Variants in IPO5 observed in about 807,000 individuals in gnomAD.
IPO5 encodes the protein importin-5.
In IPO5, 18 loss-of-function variants were observed where a neutral mutation model predicts 143.3. The observed-to-expected ratio is 0.13, with a 90% CI of 0.09 to 0.19. The LOEUF is 0.19. Among genes scored for constraint, IPO5 ranks in the 10% least tolerant of loss-of-function variants. The probability of loss-of-function intolerance (pLI) is 1.00; values close to 1 mark genes in which losing one functional copy is unlikely to be tolerated. For missense variants in IPO5, 1,013 were observed against 1,336.9 expected (o/e 0.76, Z 3.78); for synonymous variants, 477 against 465.7 (o/e 1.02, Z -0.31).
At chr13:97,972,969 G>C (rs1246434241) in intron 3 of IPO5, among the ~76,000 whole-genome samples, 1 of 151,250 alleles carries the variant, frequency 6.6e-6, no homozygotes, top group African/African-American at 2.4e-5. Context: ...TGATCTCCTT[G>C]GGAAATAAAT....
intron 2 of IPO5, among the ~76,000 whole-genome samples, chr13:97,954,872 T>C (rs116879557): frequency 0.017 from 2,602 of 152,298 alleles, 34 homozygotes; most frequent in Non-Finnish European, 0.03. Context: ...AGATTTGTGT[T>C]GGAACATTGT....
intron 16 of IPO5, among the ~76,000 whole-genome samples, chr13:98,004,351 A>G (rs764744582): frequency 2.0e-5 from 3 of 152,256 alleles, no homozygotes; most frequent in Non-Finnish European, 4.4e-5. Context: ...CCAAGTGCTC[A>G]GTATCAGATG....
chr13:98,020,424 A>G (rs547885425), intron 27 of IPO5, among the ~76,000 whole-genome samples: 2 of 152,334 alleles, frequency 1.3e-5, no homozygotes, highest in African/African-American at 2.4e-5. Context: ...TCCACTGACC[A>G]TATCATTAAG....
chr13:97,985,623 C>G lies in IPO5; in HGVS notation c.364+10C>G. ...GCCAGGAATTTAATAGGTGTGTATGCAGGTGCACTCATGTTACCAAGAACA... is the reference window on the plus strand; with the variant it reads ...GCCAGGAATTTAATAGGTGTGTATGGAGGTGCACTCATGTTACCAAGAACA... On this transcript the variant is annotated intron_variant, in intron 6 of 28. Coordinates refer to ENST00000651721, the MANE Select transcript of IPO5 (RefSeq NM_002271.6). 1.3e-6 allele frequency: 2 copies of G among 1,593,288 alleles called. No individual in the cohort carries two copies. The highest frequency in any genetic ancestry group is 1.7e-6 in the Non-Finnish European group (2 of 1,163,582).
intron 25 of IPO5, 85 bp from the exon 26 acceptor site, chr13:98,018,400 G>A: frequency 1.0e-6 from 1 of 992,436 alleles, no homozygotes; most frequent in South Asian, 1.6e-5. Context: ...GAATATCAAT[G>A]TAAGCAGATA....
At chr13:97,980,958 T>C (rs1886791387) in intron 4 of IPO5, among the ~76,000 whole-genome samples, 1 of 152,220 alleles carries the variant, frequency 6.6e-6, no homozygotes, top group Admixed American at 6.5e-5. Context: ...TGAGATACTT[T>C]TTAAATGAAA....
intron 7 of IPO5, 150 bp downstream of exon 7, chr13:97,989,314 AT>A (rs201499618): frequency 1.0e-4 from 51 of 500,980 alleles, no homozygotes; most frequent in Non-Finnish European, 1.5e-4. Flanking sequence ...ATTGGAAGCA[AT>A]TTTTTTTAAA....
At chr13:97,982,424 C>T (rs1472232750) in intron 4 of IPO5, 79 bp from the exon 5 acceptor site, 2 of 905,774 alleles carry the variant, frequency 2.2e-6, no homozygotes, top group Non-Finnish European at 3.6e-6. Context: ...TGCATCCTTC[C>T]CACTGTTTAT....
In IPO5 at chr13:97,966,576, T is replaced by G. The variant is rs573818577; in HGVS notation, c.-112-3147T>G. ...CGATATTGGTCTATAGTTTTTTTTGTTTTTGGCAGCAGGGCACAACTGGCC... is the reference window on the plus strand; with the variant it reads ...CGATATTGGTCTATAGTTTTTTTTGGTTTTGGCAGCAGGGCACAACTGGCC... On this transcript the variant is annotated intron_variant, in intron 2 of 28. Transcript: ENST00000651721. Among the ~76,000 whole-genome samples the G allele has an allele frequency of 3.9e-5, 6 of 152,288 alleles. No homozygotes were observed. The East Asian group carries it at 5.8e-4, about 15-fold the overall frequency.
intron 16 of IPO5, among the ~76,000 whole-genome samples, chr13:98,005,810 T>C (rs1889192149): frequency 6.6e-6 from 1 of 151,896 alleles, no homozygotes; most frequent in Admixed American, 6.6e-5. Context: ...GAGGATGAAG[T>C]GTAGGCATTA....
intron 18 of IPO5, 88 bp from the exon 19 acceptor site, chr13:98,009,793 A>G (rs1438511102): frequency 9.8e-7 from 1 of 1,016,704 alleles, no homozygotes; most frequent in African/African-American, 1.6e-5. Flanking sequence ...TCAATAAAAC[A>G]TTGTTTCTAT....
intron 2 of IPO5, among the ~76,000 whole-genome samples, chr13:97,962,717 G>A (rs979957202): frequency 1.3e-5 from 2 of 151,948 alleles, no homozygotes; most frequent in Non-Finnish European, 2.9e-5. Flanking sequence ...TGCTCAGGAG[G>A]CTGAGGCACA....
chr13:97,965,445 G>C (rs979703523), intron 2 of IPO5, among the ~76,000 whole-genome samples: 1 of 151,966 alleles, frequency 6.6e-6, no homozygotes, highest in African/African-American at 2.4e-5. Flanking sequence ...AGGGAGGGAG[G>C]TATCACCATC....
chr13:98,018,091 A>AT (rs1297588854), intron 25 of IPO5, among the ~76,000 whole-genome samples: 1 of 152,220 alleles, frequency 6.6e-6, no homozygotes, highest in Admixed American at 6.5e-5. Flanking sequence ...TTTTTAAAAG[A>AT]TTCGGGCACA....
intron 4 of IPO5, among the ~76,000 whole-genome samples, chr13:97,977,999 A>T (rs566868616): frequency 2.0e-5 from 3 of 152,222 alleles, no homozygotes; most frequent in Non-Finnish European, 4.4e-5. Flanking sequence ...GTTGTTTTGA[A>T]TAGATGGTGG....
chr13:97,987,160 C>A, intron 6 of IPO5: 1 of 167,528 alleles, frequency 6.0e-6, no homozygotes, highest in South Asian at 1.8e-4. Context: ...GGTACAAGTT[C>A]TTCTCCAGGG....
intron 16 of IPO5, among the ~76,000 whole-genome samples, chr13:98,003,641 G>A (rs1291026768): frequency 6.6e-6 from 1 of 152,172 alleles, no homozygotes; most frequent in African/African-American, 2.4e-5. Flanking sequence ...CCTGAGGTCA[G>A]GAGTTCGAGA....
In IPO5 at chr13:98,021,148, T is replaced by C; in HGVS notation, c.3207+15T>C. ...GCCAAGTACAGGTAAGCTGATTTGG[T>C]TGAATTGGGGAGGGGGAGATAAAAC... is the stretch of plus-strand genomic sequence containing the variant. On this transcript the variant is annotated intron_variant, in intron 28 of 28. Coordinates refer to ENST00000651721, the MANE Select transcript of IPO5 (RefSeq NM_002271.6). 1 of 1,585,192 alleles carries C rather than the reference T, an allele frequency of 6.3e-7. No homozygotes were observed. The highest frequency in any genetic ancestry group is 8.6e-7 in the Non-Finnish European group (1 of 1,169,354).
rs1479294208 is a variant in IPO5 at position 98,005,804 on chromosome 13, A to T, written c.1498-326A>T. ...GAAATCAGTGAAGAAAAAAATGAGG[A>T]TGAAGTGTAGGCATTAAAGTTGATG... On this transcript the variant is annotated intron_variant, in intron 16 of 28. Coordinates refer to ENST00000651721, the MANE Select transcript of IPO5 (RefSeq NM_002271.6). Among the ~76,000 whole-genome samples, 3 of 152,134 alleles carry T rather than the reference A, an allele frequency of 2.0e-5. No homozygotes were observed. The East Asian group carries it at 5.8e-4, about 29-fold the overall frequency.
Sources: allele counts gnomAD v4.1 joint callset (sites outside exome capture counted in the v4.1 genomes callset), GRCh38; gene constraint gnomAD v4.1.1; transcripts MANE v1.5; gene names NCBI Gene and HGNC (gene_info 2026-07-23, HGNC 2026-07-21).